PRKCA: variants seen among roughly 807,000 people sequenced by gnomAD.
The protein encoded by PRKCA is protein kinase C alpha, also known as protein kinase C alpha type.
Under a neutral mutation model 87.0 loss-of-function variants are expected in PRKCA, and 27 were observed. That is an observed-to-expected ratio of 0.31 (90% confidence interval 0.23 to 0.43). The LOEUF is 0.43. Ranked by LOEUF, PRKCA falls within the 20% of genes least tolerant of loss-of-function variation. The pLI is 1.00. For missense variants in PRKCA, 518 were observed against 852.3 expected (o/e 0.61, Z 4.88); for synonymous variants, 329 against 311.1 (o/e 1.06, Z -0.61).
intron 16 of PRKCA, among the ~76,000 whole-genome samples, chr17:66,799,789 G>C (rs1002211068): frequency 7.2e-5 from 11 of 151,926 alleles, no homozygotes; most frequent in Non-Finnish European, 1.5e-4. Flanking sequence ...CTATTTCCAG[G>C]GCTACTTTTG....
At chr17:66,332,285 T>G (rs1906378527) in intron 2 of PRKCA, among the ~76,000 whole-genome samples, 1 of 150,184 alleles carries the variant, frequency 6.7e-6, no homozygotes, top group African/African-American at 2.5e-5. Flanking sequence ...TGGAGTGCAG[T>G]GGCACGATCT....
intron 2 of PRKCA, among the ~76,000 whole-genome samples, chr17:66,323,002 G>T (rs188348834): frequency 4.0e-4 from 61 of 152,164 alleles, no homozygotes; most frequent in Admixed American, 3.1e-3. Context: ...TAGATTCATG[G>T]CTTCCTCATG....
In PRKCA at chr17:66,787,030, A is replaced by G. The variant is rs746086371; in HGVS notation, c.1713+56A>G. On this transcript the variant is annotated intron_variant, in intron 15 of 16. Transcript: ENST00000413366. Reference sequence around the variant, plus strand: ...TGGACCAAGAGCTTTGGTAGGAGAAATACTTTCCCCACACTTCTAAGAGAG... The same window carrying G: ...TGGACCAAGAGCTTTGGTAGGAGAAGTACTTTCCCCACACTTCTAAGAGAG... 4.0e-6 allele frequency: 5 copies of G among 1,252,938 alleles called. No homozygotes were observed. The South Asian group carries it at 6.0e-5, about 15-fold the overall frequency. 77.6% of individuals were successfully genotyped at this position (1,252,938 alleles called of 1,614,324 possible).
chr17:66,786,846 C>T (rs970576569), intron 14 of PRKCA, 21 bp from the exon 15 acceptor site: 8 of 1,595,574 alleles, frequency 5.0e-6, no homozygotes, highest in Admixed American at 1.7e-5. Context: ...ACTTTCCCAT[C>T]TTTCTTTTTT....
intron 2 of PRKCA, among the ~76,000 whole-genome samples, chr17:66,362,433 C>T (rs917422348): frequency 1.3e-5 from 2 of 152,196 alleles, no homozygotes; most frequent in Non-Finnish European, 2.9e-5. Context: ...CTTGGCTCTC[C>T]AGGCTGGGTG....
intron 3 of PRKCA, chr17:66,640,885 G>A: frequency 2.3e-6 from 1 of 427,576 alleles, no homozygotes; most frequent in Non-Finnish European, 4.6e-6. Flanking sequence ...TGCGGGCCAG[G>A]TGTGGTGGTT....
chr17:66,774,553 G>A lies in PRKCA; in HGVS notation c.1605+486G>A, dbSNP rs999728988. ...TGAGAATTGCTTAAGCCTGAGAGGC[G>A]GAGGCTGCAGTGAGCCAAGATCGTG... On this transcript the variant is annotated intron_variant, in intron 14 of 16. Coordinates refer to ENST00000413366, the MANE Select transcript of PRKCA (RefSeq NM_002737.3). 5.1e-5 allele frequency: 43 copies of A among 849,090 alleles called. No individual in the cohort carries two copies. The African/African-American group carries it at 6.4e-4, about 13-fold the overall frequency. 52.6% of individuals were successfully genotyped at this position (849,090 alleles called of 1,614,324 possible). A position where few individuals can be genotyped will look rare whatever the true frequency, so the allele number is the denominator to read the frequency against.
chr17:66,770,960 T>C (rs1974920406), intron 13 of PRKCA, among the ~76,000 whole-genome samples: 1 of 151,358 alleles, frequency 6.6e-6, no homozygotes, highest in Non-Finnish European at 1.5e-5. Context: ...ACTTGTTTAC[T>C]GGTGGGAGTG....
intron 8 of PRKCA, among the ~76,000 whole-genome samples, chr17:66,701,622 A>G (rs1973067663): frequency 6.6e-6 from 1 of 152,172 alleles, no homozygotes; most frequent in Non-Finnish European, 1.5e-5. Context: ...AAAAATAAAA[A>G]AGAAAACCCA....
chr17:66,680,331 G>C (rs1363841281), intron 5 of PRKCA, among the ~76,000 whole-genome samples: 1 of 152,230 alleles, frequency 6.6e-6, no homozygotes, highest in Non-Finnish European at 1.5e-5. Context: ...GTCAGGCAGG[G>C]GTGGAGGTGG....
At chr17:66,487,257 G>GT (rs1474856806) in intron 2 of PRKCA, among the ~76,000 whole-genome samples, 1 of 152,098 alleles carries the variant, frequency 6.6e-6, no homozygotes, top group Non-Finnish European at 1.5e-5. Context: ...CCACATATGA[G>GT]TGAGAGCATA....
intron 3 of PRKCA, among the ~76,000 whole-genome samples, chr17:66,634,962 G>C (rs1322737671): frequency 1.3e-5 from 2 of 152,190 alleles, no homozygotes; most frequent in Middle Eastern, 3.2e-3. Context: ...ATGTTAAGTG[G>C]CATGCAAAAG....
At position 66,497,000 on chromosome 17, in the gene PRKCA, C is replaced by T. The variant is rs1039081344; in HGVS notation, c.288+717C>T. On this transcript the variant is annotated intron_variant, in intron 3 of 16. Transcript: ENST00000413366. ...CAATAGGAGCATCATTGCTTTGGGC[C>T]AATGTAACAAACTGCTCCTGGTTTA... is the stretch of plus-strand genomic sequence containing the variant. Among the ~76,000 whole-genome samples, 4 of 152,276 alleles carry T rather than the reference C, an allele frequency of 2.6e-5. No homozygotes were observed. In the South Asian group the frequency reaches 8.3e-4, roughly 32 times the overall value.
chr17:66,446,929 C>T (rs2143902465), intron 2 of PRKCA, among the ~76,000 whole-genome samples: 1 of 152,164 alleles, frequency 6.6e-6, no homozygotes, highest in Non-Finnish European at 1.5e-5. Context: ...AAACTTCTAG[C>T]TTGCTTTGCT....
chr17:66,417,029 G>A (rs1412515569), intron 2 of PRKCA, among the ~76,000 whole-genome samples: 1 of 152,124 alleles, frequency 6.6e-6, no homozygotes, highest in Non-Finnish European at 1.5e-5. Context: ...CTCCTGAGCA[G>A]CTGGGACTAC....
At chr17:66,456,922 G>A (rs930732426) in intron 2 of PRKCA, among the ~76,000 whole-genome samples, 2 of 152,176 alleles carry the variant, frequency 1.3e-5, no homozygotes, top group Non-Finnish European at 2.9e-5. Flanking sequence ...GGCTGACTTG[G>A]TGATTCTAGG....
At chr17:66,663,645 AAAG>A (rs1971965438) in intron 5 of PRKCA, among the ~76,000 whole-genome samples, 2 of 152,168 alleles carry the variant, frequency 1.3e-5, no homozygotes, top group Non-Finnish European at 2.9e-5. Context: ...TTCTCTAAGA[AAAG>A]AAGCATGATA....
At chr17:66,691,173 T>C (rs555071407) in intron 8 of PRKCA, among the ~76,000 whole-genome samples, 1 of 152,264 alleles carries the variant, frequency 6.6e-6, no homozygotes, top group South Asian at 2.1e-4. Context: ...GAACTCTGTG[T>C]AGGTCAAATA....
chr17:66,573,424 A>G (rs945812988), intron 3 of PRKCA, among the ~76,000 whole-genome samples: 5 of 152,220 alleles, frequency 3.3e-5, no homozygotes, highest in Non-Finnish European at 5.9e-5. Flanking sequence ...TTCTGCTGAA[A>G]TCAGGAATAC....
Sources: allele counts gnomAD v4.1 joint callset (sites outside exome capture counted in the v4.1 genomes callset), GRCh38; gene constraint gnomAD v4.1.1; transcripts MANE v1.5; gene names NCBI Gene and HGNC (gene_info 2026-07-23, HGNC 2026-07-21).